LMO2: variants seen among roughly 807,000 people sequenced by gnomAD.
LMO2 encodes the protein LIM domain only 2, also known as rhombotin-2.
LMO2 carries 20 observed loss-of-function variants against 23.2 expected under a neutral mutation model. The ratio of observed to expected loss-of-function variants is 0.86; its 90% CI spans 0.61 to 1.25. The LOEUF (loss-of-function observed/expected upper bound fraction) is 1.25. Among genes scored for constraint, LMO2 ranks in the 50% most tolerant of loss-of-function variants. The probability of loss-of-function intolerance (pLI) is 0.00; values close to 1 mark genes in which losing one functional copy is unlikely to be tolerated. For synonymous variants in LMO2, 123 were observed against 130.2 expected, an observed-to-expected ratio of 0.94 and a Z score of 0.38; for missense variants, 270 against 315.3, an observed-to-expected ratio of 0.86 and a Z score of 1.09.
At chr11:33,874,143 C>T (rs1279321541) in intron 2 of LMO2, among the ~76,000 whole-genome samples, 2 of 152,086 alleles carry the variant, frequency 1.3e-5, no homozygotes, top group South Asian at 2.1e-4. Context: ...TTAAACTATT[C>T]GGTTGTCACA....
At chr11:33,891,530 T>C (rs1857553264) in intron 1 of LMO2, among the ~76,000 whole-genome samples, 1 of 152,028 alleles carries the variant, frequency 6.6e-6, no homozygotes, top group South Asian at 2.1e-4. Context: ...CCCGAAGACA[T>C]TAGCAACCAG....
Position 33,864,122 on chromosome 11 carries a change from T to C in LMO2, c.464+480A>G, listed in dbSNP as rs780080228. ...CTATGAGTCAATGCTTGGAGCTCCA[T>C]ATGCTTTCTATTTTTAAATTTCTCA... On this transcript the variant is annotated intron_variant, in intron 5 of 5. Coordinates refer to ENST00000257818, the MANE Select transcript of LMO2 (RefSeq NM_005574.4). The surrounding 1 kb of genome is among the most constrained non-coding windows in gnomAD (Gnocchi z 4.8). Among the ~76,000 whole-genome samples, 7 of 152,318 alleles carry C rather than the reference T, an allele frequency of 4.6e-5. No homozygotes were observed. The highest frequency in any genetic ancestry group is 3.4e-3 in the Middle Eastern group (1 of 294).
chr11:33,878,352 A>G (rs1857186954), intron 2 of LMO2, among the ~76,000 whole-genome samples: 1 of 152,132 alleles, frequency 6.6e-6, no homozygotes, highest in South Asian at 2.1e-4. Context: ...TCCCTGTTCT[A>G]AAGCTTTGGT....
chr11:33,870,429 C>T (rs952655922), intron 2 of LMO2: 7 of 985,836 alleles, frequency 7.1e-6, no homozygotes, highest in Non-Finnish European at 6.0e-6. Flanking sequence ...TGGGATGCCC[C>T]GGACAGCGCG....
rs1054081591 is a variant in LMO2, at chr11:33,885,906, G to A, written c.-335-4019C>T. ...TTTTTTTTTTTTGAGCCAGAGTTTC[G>A]CTCTTGTCACCTAGGCTGGAGTGCA... On this transcript the variant is annotated intron_variant, in intron 1 of 5. Coordinates refer to ENST00000257818, the MANE Select transcript of LMO2 (RefSeq NM_005574.4). 8.0e-5 allele frequency among the ~76,000 whole-genome samples: 12 copies of A among 150,630 alleles called. 1 individual carries two copies. The highest frequency in any genetic ancestry group is 4.2e-4 in the South Asian group (2 of 4,790).
At chr11:33,865,521 A>G (rs887218336) in intron 4 of LMO2, among the ~76,000 whole-genome samples, 14 of 152,264 alleles carry the variant, frequency 9.2e-5, no homozygotes, top group South Asian at 2.1e-4. Flanking sequence ...GGAAAATCCC[A>G]TATCGTAAGG....
At chr11:33,870,072 T>A in intron 2 of LMO2, 85 bp from the exon 3 acceptor site, 26 of 153,760 alleles carry the variant, frequency 1.7e-4, no homozygotes, top group South Asian at 2.9e-4. Flanking sequence ...TTTTCTTCCT[T>A]TTTTTTTTTT....
intron 5 of LMO2, 55 bp from the exon 6 acceptor site, chr11:33,859,630 A>G: frequency 6.5e-7 from 1 of 1,549,624 alleles, no homozygotes; most frequent in Middle Eastern, 2.2e-4. Context: ...ATCCTGGAAG[A>G]CAGGGCTCGG....
intron 2 of LMO2, among the ~76,000 whole-genome samples, chr11:33,872,030 G>A (rs1466607571): frequency 1.3e-5 from 2 of 151,862 alleles, no homozygotes; most frequent in African/African-American, 4.8e-5. Flanking sequence ...TTGAGAGGCC[G>A]AGGCGATCCC....
intron 2 of LMO2, among the ~76,000 whole-genome samples, chr11:33,879,459 TAA>T (rs750003431): frequency 0.11 from 13,732 of 125,336 alleles, 1,254 homozygotes; most frequent in African/African-American, 0.27. Context: ...TGTCTCTACT[TAA>T]AAAAAAAAAA....
intron 5 of LMO2, among the ~76,000 whole-genome samples, chr11:33,860,695 G>A (rs1006137061): frequency 5.3e-5 from 8 of 152,242 alleles, no homozygotes; most frequent in African/African-American, 1.4e-4. Context: ...GCTTTAGCCC[G>A]GGAGGTGGAG....
chr11:33,873,790 G>A (rs900634485), intron 2 of LMO2, among the ~76,000 whole-genome samples: 6 of 151,396 alleles, frequency 4.0e-5, no homozygotes, highest in Admixed American at 3.3e-4. Context: ...TCTGACCCCA[G>A]ATGGATCATT....
At chr11:33,883,194 A>C (rs1218183524) in intron 1 of LMO2, among the ~76,000 whole-genome samples, 1 of 152,234 alleles carries the variant, frequency 6.6e-6, no homozygotes, top group Non-Finnish European at 1.5e-5. Context: ...AAACTGACCA[A>C]GGGGGATGGT....
intron 5 of LMO2, 41 bp from the exon 6 acceptor site, chr11:33,859,616 G>A: frequency 1.9e-6 from 3 of 1,582,976 alleles, no homozygotes; most frequent in Non-Finnish European, 2.6e-6. Context: ...CAGTGAAAGG[G>A]ACAATCCTGG....
intron 5 of LMO2, among the ~76,000 whole-genome samples, chr11:33,863,799 C>T (rs1038624028): frequency 3.0e-4 from 45 of 152,352 alleles, no homozygotes; most frequent in African/African-American, 1.0e-3. Flanking sequence ...TTTTACTCTT[C>T]CATTCTTCCA....
chr11:33,880,712 A>T lies in LMO2; in HGVS notation c.-272+1112T>A, dbSNP rs1175734923. 2 of 161,290 alleles carry T rather than the reference A, an allele frequency of 1.2e-5. No individual in the cohort carries two copies. Among genetic ancestry groups the T allele is most frequent in the Non-Finnish European group, 2.7e-5 (2 of 73,520 alleles). The allele number at this position is 161,290 out of a possible 1,614,324, so 10.0% of individuals were successfully genotyped here. On this transcript the variant is annotated intron_variant, in intron 2 of 5. Transcript: ENST00000257818. This position sits in a 1 kb window ranked among gnomAD's most constrained non-coding sequence, Gnocchi z 4.3. The stretch of plus-strand genomic sequence containing the variant: ...CCACACGCCCCAAACAAATCTGACA[A>T]AAGTTAAAGACCATTCCCTAGGTGT...
At chr11:33,876,304 C>T (rs1353857333) in intron 2 of LMO2, among the ~76,000 whole-genome samples, 1 of 152,204 alleles carries the variant, frequency 6.6e-6, no homozygotes, top group Non-Finnish European at 1.5e-5. Flanking sequence ...GGCCTTTCCT[C>T]CCAGCTAGAA....
intron 4 of LMO2, among the ~76,000 whole-genome samples, chr11:33,866,770 C>T (rs549331230): frequency 3.3e-5 from 5 of 152,188 alleles, no homozygotes; most frequent in African/African-American, 9.7e-5. Context: ...TTCAGCCTCC[C>T]GAATAGCTGG....
chr11:33,878,886 G>T (rs1857198553), intron 2 of LMO2, among the ~76,000 whole-genome samples: 1 of 152,052 alleles, frequency 6.6e-6, no homozygotes, highest in African/African-American at 2.4e-5. Context: ...TAGCTCCCAG[G>T]GTACTGATAT....
Sources: gnomAD v4.1 joint callset for allele counts (sites outside exome capture counted in the v4.1 genomes callset) on GRCh38, gnomAD v4.1.1 for gene constraint, Gnocchi (gnomAD v3.1) non-coding constraint, MANE v1.5 for transcripts, NCBI Gene and HGNC (gene_info 2026-07-23, HGNC 2026-07-21) for gene names.